Variants in PLCH2 observed in about 807,000 individuals in gnomAD.
The protein encoded by PLCH2 is 1-phosphatidylinositol 4,5-bisphosphate phosphodiesterase eta-2.
PLCH2 carries 98 observed loss-of-function variants against 134.7 expected under a neutral mutation model. The observed-to-expected ratio is 0.73, with a 90% confidence interval of 0.62 to 0.86. PLCH2 has a LOEUF of 0.86. PLCH2 is among the 40% of genes least tolerant of loss of function. PLCH2 has a pLI of 0.00. For synonymous variants in PLCH2, 974 were observed against 827.5 expected (o/e 1.18, Z -3.04); for missense variants, 1,994 against 1,986.6 (o/e 1.00, Z -0.07).
At chr1:2,494,686 G>T (rs1381278311) in intron 11 of PLCH2, among the ~76,000 whole-genome samples, 170 bp from the exon 12 acceptor site, 1 of 152,136 alleles carries the variant, frequency 6.6e-6, no homozygotes, top group Non-Finnish European at 1.5e-5. Flanking sequence ...TGCCACGGGG[G>T]CTCCCCAACC....
At position 2,486,832 on chromosome 1, in the gene PLCH2, G is replaced by A. The variant is rs1238694984; in HGVS notation, c.817-75G>A. 1.2e-5 allele frequency: 14 copies of A among 1,120,194 alleles called. No homozygotes were observed. The Admixed American group carries it at 2.8e-4, about 22-fold the overall frequency. 69.4% of individuals were successfully genotyped at this position (1,120,194 alleles called of 1,614,324 possible). ...AATCAGAGACAGGCAGGGGACAGTG[G>A]TGATGGGGGAGCTGCCTGAGGCTAT... On this transcript the variant is annotated intron_variant, in intron 5 of 21. Transcript: ENST00000378486.
chr1:2,490,670 G>A (rs544868764), intron 10 of PLCH2, among the ~76,000 whole-genome samples: 2 of 152,370 alleles, frequency 1.3e-5, no homozygotes, highest in South Asian at 2.1e-4. Flanking sequence ...ACACGCCTCT[G>A]TGTGGCCCAC....
intron 5 of PLCH2, 70 bp from the exon 6 acceptor site, chr1:2,486,837 G>A: frequency 8.4e-7 from 1 of 1,192,032 alleles, no homozygotes; most frequent in Non-Finnish European, 1.2e-6. Flanking sequence ...CAGTGGTGAT[G>A]GGGGAGCTGC....
chr1:2,464,116 G>A (rs77387089), upstream of PLCH2, among the ~76,000 whole-genome samples: 4 of 152,214 alleles, frequency 2.6e-5, no homozygotes, highest in Admixed American at 1.3e-4. Context: ...CCTCCCTGGC[G>A]GCACAGGGTG....
chr1:2,428,720 G>T (rs10910074), intron 1 of PLCH2, among the ~76,000 whole-genome samples: 1 of 152,266 alleles, frequency 6.6e-6, no homozygotes, highest in African/African-American at 2.4e-5. Flanking sequence ...CCGGTCTCCG[G>T]CTGGGACGGT....
intron 4 of PLCH2, among the ~76,000 whole-genome samples, chr1:2,482,575 C>T (rs547735022): frequency 1.3e-5 from 2 of 152,236 alleles, no homozygotes; most frequent in Non-Finnish European, 2.9e-5. Context: ...CAGCCTGTCC[C>T]TGGGGTCCTG....
At chr1:2,432,436 C>G (rs990203113) in intron 2 of PLCH2, among the ~76,000 whole-genome samples, 1 of 152,204 alleles carries the variant, frequency 6.6e-6, no homozygotes, top group Non-Finnish European at 1.5e-5. Context: ...CACCCCGTCC[C>G]CTGTGCAATT....
chr1:2,485,223 T>TGCTCTCTGGTC (rs70956308), intron 5 of PLCH2, among the ~76,000 whole-genome samples: 1 of 151,682 alleles, frequency 6.6e-6, no homozygotes, highest in African/African-American at 2.4e-5. Context: ...CAAGGCCAAG[T>TGCTCTCTGGTC]GCTGCCCCAC....
At chr1:2,497,859 C>A in intron 16 of PLCH2, 2 of 471,656 alleles carry the variant, frequency 4.2e-6, no homozygotes, top group Non-Finnish European at 3.8e-6. Flanking sequence ...AACTGGGGAG[C>A]CTGGGCCCCA....
intron 2 of PLCH2, among the ~76,000 whole-genome samples, chr1:2,443,962 G>A (rs972317733): frequency 1.3e-5 from 2 of 152,036 alleles, no homozygotes; most frequent in Non-Finnish European, 2.9e-5. Flanking sequence ...GAGCCGCCCC[G>A]CAGAAGCACA....
In PLCH2 at chr1:2,504,922, C is replaced by A. The variant is rs753004606; in HGVS notation, c.3960C>A (p.Ser1320Arg). The change falls in exon 22 of 22, where the codon AGC becomes AGA. Residue 1320 changes from serine (S) to arginine (R), a missense_variant. Ser to Arg is a moderately radical substitution (Grantham distance 110). Transcript: ENST00000378486. ...CAGGAGACATCACGTCACCCACCAG[C>A]CTGGGCCCGGCTGGGGAGGGGGTGG... ...QQAGDITSPT[S>R]LGPAGEGVAG... is the part of the protein sequence containing the mutation. 3 of 1,574,818 alleles carry A rather than the reference C, an allele frequency of 1.9e-6. No homozygotes were observed. In the East Asian group the frequency reaches 6.9e-5, roughly 36 times the overall value.
intron 2 of PLCH2, among the ~76,000 whole-genome samples, chr1:2,457,499 C>T (rs1280607731): frequency 6.6e-6 from 1 of 152,198 alleles, no homozygotes; most frequent in Non-Finnish European, 1.5e-5. Flanking sequence ...TGGCCTTCCT[C>T]CCGGGACGCT....
chr1:2,469,650 G>T (rs1458086280), intron 1 of PLCH2, among the ~76,000 whole-genome samples: 2 of 152,200 alleles, frequency 1.3e-5, no homozygotes, highest in East Asian at 3.9e-4. Flanking sequence ...GGTGGGCAGG[G>T]GGAGGGGTTG....
chr1:2,477,461 C>T (rs1397275496), intron 1 of PLCH2, among the ~76,000 whole-genome samples: 3 of 152,244 alleles, frequency 2.0e-5, no homozygotes, highest in African/African-American at 4.8e-5. Context: ...ACAACGCCCC[C>T]GCCAGGGTCC....
At chr1:2,470,559 C>T (rs1390181013) in intron 1 of PLCH2, among the ~76,000 whole-genome samples, 1 of 151,948 alleles carries the variant, frequency 6.6e-6, no homozygotes. Context: ...GAAGAGCAGC[C>T]CCGTGCCGGG....
intron 2 of PLCH2, among the ~76,000 whole-genome samples, chr1:2,443,491 G>A (rs565999264): frequency 7.2e-5 from 11 of 152,242 alleles, no homozygotes; most frequent in African/African-American, 2.4e-4. Context: ...GGGGCCACGG[G>A]GAGCCGGAGG....
chr1:2,462,317 CTGCCTGA>C, intron 2 of PLCH2, among the ~76,000 whole-genome samples: 1 of 135,084 alleles, frequency 7.4e-6, no homozygotes, highest in Non-Finnish European at 1.6e-5. Flanking sequence ...GACACCCCCT[CTGCCTGA>C]CACCCCTCTG....
At position 2,459,616 on chromosome 1, in the gene PLCH2, G is replaced by T. The variant is rs184531020; in HGVS notation, c.116-18860G>T. On this transcript the variant is annotated intron_variant, in intron 2 of 3. Coordinates refer to the PLCH2 transcript ENST00000609981. Reference sequence around the variant, plus strand: ...GTCTTCCTTTCCGGTGGTCCTCCTTGCCTGTGGTCCTCCTTGCCTGTGGTC... The same window carrying T: ...GTCTTCCTTTCCGGTGGTCCTCCTTTCCTGTGGTCCTCCTTGCCTGTGGTC... Among the ~76,000 whole-genome samples the T allele has an allele frequency of 7.2e-4, 71 of 97,938 alleles. 5 individuals carry two copies. The highest frequency in any genetic ancestry group is 1.8e-3 in the East Asian group (4 of 2,276). The allele number at this position is 97,938 out of a possible 152,430, so 64.3% of individuals were successfully genotyped here.
intron 2 of PLCH2, among the ~76,000 whole-genome samples, chr1:2,447,959 C>A (rs752619634): frequency 2.0e-5 from 3 of 152,230 alleles, no homozygotes; most frequent in African/African-American, 7.2e-5. Flanking sequence ...CCCTCCCCTG[C>A]GGTACCAGGA....
Sources: allele counts gnomAD v4.1 joint callset (sites outside exome capture counted in the v4.1 genomes callset), GRCh38; gene constraint gnomAD v4.1.1; transcripts MANE v1.5; gene names NCBI Gene and HGNC (gene_info 2026-07-23, HGNC 2026-07-21).